Variants in NUAK1 observed in about 807,000 individuals in gnomAD.
NUAK1 encodes NUAK family SNF1-like kinase 1.
NUAK1 carries 26 observed loss-of-function variants against 56.9 expected under a neutral mutation model. The ratio of observed to expected loss-of-function variants is 0.46; its 90% CI spans 0.33 to 0.63. NUAK1 has a LOEUF of 0.63. Among genes scored for constraint, NUAK1 ranks in the 30% least tolerant of loss-of-function variants. NUAK1 has a pLI of 0.02. For missense variants in NUAK1, 727 were observed against 876.1 expected (o/e 0.83, Z 2.15); for synonymous variants, 337 against 336.0 (o/e 1.00, Z -0.03).
chr12:106,112,946 G>T (rs2032878707), intron 1 of NUAK1, among the ~76,000 whole-genome samples: 1 of 152,188 alleles, frequency 6.6e-6, no homozygotes, highest in South Asian at 2.1e-4. Context: ...CTACATAAAA[G>T]AGATGATGAT....
intron 4 of NUAK1, among the ~76,000 whole-genome samples, chr12:106,074,467 T>C (rs1187202110): frequency 6.6e-6 from 1 of 152,094 alleles, no homozygotes; most frequent in Non-Finnish European, 1.5e-5. Context: ...GAAATTGAGG[T>C]TTAAGGAGTT....
intron 4 of NUAK1, among the ~76,000 whole-genome samples, chr12:106,082,235 G>C (rs990769026): frequency 1.3e-5 from 2 of 152,180 alleles, no homozygotes; most frequent in Non-Finnish European, 2.9e-5. Context: ...GACAGGAACT[G>C]GCAACTCTTG....
chr12:106,089,853 C>T (rs1425168963), intron 2 of NUAK1, among the ~76,000 whole-genome samples: 1 of 152,144 alleles, frequency 6.6e-6, no homozygotes, highest in Non-Finnish European at 1.5e-5. Context: ...ATCCCTTACC[C>T]CCATCCTTTC....
Position 106,083,858 on chromosome 12 carries a change from C to T in NUAK1, c.579+6G>A, listed in dbSNP as rs1055285829. 14 of 1,613,744 alleles carry T rather than the reference C, an allele frequency of 8.7e-6. No homozygotes were observed. The highest frequency in any genetic ancestry group is 1.2e-5 in the Non-Finnish European group (14 of 1,179,764). ...TGCATATCAATCGACGACGCAAGGG[C>T]TTTACCTTAATATTGCAGTTGTCAT... On this transcript the variant is annotated splice_donor_region_variant and intron_variant, in intron 4 of 6. Transcript: ENST00000261402.
At chr12:106,072,624 A>C in intron 5 of NUAK1, 100 bp downstream of exon 5, 1 of 1,330,562 alleles carries the variant, frequency 7.5e-7, no homozygotes, top group Non-Finnish European at 1.0e-6. Flanking sequence ...TGGCTTTTTT[A>C]GGCTCTGTTT....
chr12:106,068,194 G>C (rs1279657430), intron 6 of NUAK1, among the ~76,000 whole-genome samples: 1 of 152,194 alleles, frequency 6.6e-6, no homozygotes, highest in African/African-American at 2.4e-5. Flanking sequence ...TGTTTTCCCT[G>C]TAAGTGAGAA....
At chr12:106,102,633 T>A (rs1383356370) in intron 2 of NUAK1, among the ~76,000 whole-genome samples, 1 of 152,230 alleles carries the variant, frequency 6.6e-6, no homozygotes, top group African/African-American at 2.4e-5. Context: ...TTTGTGATGA[T>A]TACAGTGTCC....
At position 106,063,823 on chromosome 12, in the gene NUAK1, C is replaced by G. The variant is rs1362263391; in HGVS notation, c.*2979G>C. On this transcript the variant is annotated 3_prime_UTR_variant, in exon 7 of 7. Coordinates refer to ENST00000261402, the MANE Select transcript of NUAK1 (RefSeq NM_014840.3). ...TCATTCACATTTGTACTCAAGACAG[C>G]AGGCCTGGGCAAAACTCGCCTGAAT... 6.6e-6 allele frequency: 1 copy of G among 152,498 alleles called. No homozygotes were observed. The highest frequency in any genetic ancestry group is 1.5e-5 in the Non-Finnish European group (1 of 68,026). 9.4% of individuals were successfully genotyped at this position (152,498 alleles called of 1,614,324 possible). A position where few individuals can be genotyped will look rare whatever the true frequency, so the allele number is the denominator to read the frequency against.
chr12:106,075,491 G>A (rs895784341), intron 4 of NUAK1, among the ~76,000 whole-genome samples: 3 of 152,156 alleles, frequency 2.0e-5, no homozygotes, highest in African/African-American at 7.2e-5. Flanking sequence ...GCGTTAGGAA[G>A]AGTGTCTATC....
intron 2 of NUAK1, among the ~76,000 whole-genome samples, chr12:106,097,809 C>T (rs1318181253): frequency 2.0e-5 from 3 of 152,164 alleles, no homozygotes; most frequent in Non-Finnish European, 1.5e-5. Flanking sequence ...CTGTAACCCA[C>T]CCCCAGAGTT....
intron 2 of NUAK1, among the ~76,000 whole-genome samples, chr12:106,092,750 T>C (rs1418502364): frequency 2.0e-5 from 3 of 152,218 alleles, no homozygotes; most frequent in African/African-American, 4.8e-5. Context: ...GATGCACATC[T>C]GTACGCATTT....
intron 1 of NUAK1, among the ~76,000 whole-genome samples, chr12:106,107,681 C>G (rs1387081357): frequency 6.6e-6 from 1 of 152,230 alleles, no homozygotes; most frequent in African/African-American, 2.4e-5. Context: ...CCCCAGCCAG[C>G]CTCAGCAGGA....
At position 106,067,084 on chromosome 12, in the gene NUAK1, A is replaced by C. The variant is rs766802253; in HGVS notation, c.1704T>G (p.Pro568=). 8.7e-6 allele frequency: 14 copies of C among 1,614,100 alleles called. No individual in the cohort carries two copies. In the African/African-American group the frequency reaches 1.7e-4, roughly 20 times the overall value. ...CGCTGTCATCGCTGATGACACTGGA[A>C]GGGCGGCTGTAGCTCCGGGAGAGGC... ...AEGLSRSYSR[P]SSVISDDSVL... The change falls in exon 7 of 7, where the codon CCT becomes CCG. Residue 568 remains proline (P), a synonymous_variant. Coordinates refer to ENST00000261402, the MANE Select transcript of NUAK1 (RefSeq NM_014840.3). The surrounding 1 kb of genome is among the most constrained non-coding windows in gnomAD (Gnocchi z 6.0).
intron 1 of NUAK1, among the ~76,000 whole-genome samples, chr12:106,120,781 T>C (rs1175524431): frequency 6.6e-6 from 1 of 152,128 alleles, no homozygotes; most frequent in Non-Finnish European, 1.5e-5. Flanking sequence ...CCAGGTCCAG[T>C]GCAATGGCTT....
At chr12:106,114,709 A>T (rs757026642) in intron 1 of NUAK1, among the ~76,000 whole-genome samples, 4 of 152,068 alleles carry the variant, frequency 2.6e-5, no homozygotes, top group Non-Finnish European at 1.5e-5. Flanking sequence ...AGGGATAAAC[A>T]CTCTGAGCAA....
At chr12:106,102,808 C>T (rs2032762038) in intron 2 of NUAK1, among the ~76,000 whole-genome samples, 5 of 152,216 alleles carry the variant, frequency 3.3e-5, no homozygotes, top group Admixed American at 3.3e-4. Context: ...GCCTAGGTCA[C>T]AGTGGAGGAC....
chr12:106,101,387 A>T (rs911862311), intron 2 of NUAK1, among the ~76,000 whole-genome samples: 28 of 152,202 alleles, frequency 1.8e-4, no homozygotes, highest in African/African-American at 6.3e-4. Context: ...CCCTAACACC[A>T]AGTACTTCAG....
intron 3 of NUAK1, chr12:106,084,170 G>A: frequency 1.8e-6 from 1 of 541,464 alleles, no homozygotes; most frequent in Non-Finnish European, 3.3e-6. Context: ...AAAAATGACT[G>A]GAATCTGTTC....
chr12:106,086,793 C>T lies in NUAK1; in HGVS notation c.454G>A (p.Glu152Lys). 1.2e-6 allele frequency: 2 copies of T among 1,614,204 alleles called. No homozygotes were observed. Among genetic ancestry groups the T allele is most frequent in the Non-Finnish European group, 1.7e-6 (2 of 1,180,026 alleles). The change falls in exon 3 of 7, where the codon GAG becomes AAG. Residue 152 changes from glutamate (E) to lysine (K), a missense_variant. Physicochemically the swap from Glu to Lys is moderately conservative, Grantham distance 56. Transcript: ENST00000261402. ...CGGAAGAAGTGCCGGGTCTCCCTCT[C>T]ACTGAGGCGTCGCCGCTCACTGATG... is the stretch of plus-strand genomic sequence containing the variant. ...DYISERRRLS[E>K]RETRHFFRQI...
Sources: allele counts gnomAD v4.1 joint callset (sites outside exome capture counted in the v4.1 genomes callset), GRCh38; gene constraint gnomAD v4.1.1; non-coding constraint Gnocchi (gnomAD v3.1); transcripts MANE v1.5; gene names NCBI Gene and HGNC (gene_info 2026-07-23, HGNC 2026-07-21).